UPF2: variants seen among roughly 807,000 people sequenced by gnomAD.
The protein encoded by UPF2 is UPF2 regulator of nonsense mediated mRNA decay.
In UPF2, 17 loss-of-function variants were observed where a neutral mutation model predicts 141.4. The observed-to-expected ratio is 0.12, with a 90% CI of 0.08 to 0.18. UPF2 has a LOEUF of 0.18. Among genes scored for constraint, UPF2 ranks in the 10% least tolerant of loss-of-function variants. UPF2 has a pLI of 1.00. For synonymous variants in UPF2, 540 were observed against 498.0 expected (o/e 1.08, Z -1.12); for missense variants, 1,152 against 1,515.9 (o/e 0.76, Z 3.99).
chr10:12,023,728 T>C (rs977691470), intron 3 of UPF2, among the ~76,000 whole-genome samples: 4 of 146,222 alleles, frequency 2.7e-5, no homozygotes, highest in African/African-American at 1.0e-4. Flanking sequence ...CAGAGGCTCA[T>C]GCCTGTAATC....
chr10:12,001,195 C>G (rs1268738906), intron 6 of UPF2, among the ~76,000 whole-genome samples: 1 of 152,146 alleles, frequency 6.6e-6, no homozygotes, highest in East Asian at 1.9e-4. Context: ...GGGCGGATCA[C>G]CTGAGGTCAG....
At chr10:11,997,894 G>A in intron 7 of UPF2, 137 bp from the exon 8 acceptor site, 2 of 836,806 alleles carry the variant, frequency 2.4e-6, no homozygotes, top group Non-Finnish European at 1.8e-6. Context: ...GTTAGTATCA[G>A]GAAAGTTTTC....
At chr10:12,031,470 G>A (rs4750154) in intron 2 of UPF2, among the ~76,000 whole-genome samples, 32,976 of 152,020 alleles carry the variant, frequency 0.22, 3,900 homozygotes, top group East Asian at 0.46. Context: ...ACGAGTGAGG[G>A]GCAACAATCT....
intron 12 of UPF2, among the ~76,000 whole-genome samples, chr10:11,958,629 A>G (rs920784801): frequency 2.0e-5 from 3 of 152,254 alleles, no homozygotes; most frequent in Admixed American, 2.0e-4. Context: ...TTTGTTCAAC[A>G]TATCTTACTT....
At chr10:12,009,168 T>A (rs1329107311) in intron 4 of UPF2, among the ~76,000 whole-genome samples, 1 of 152,172 alleles carries the variant, frequency 6.6e-6, no homozygotes, top group East Asian at 1.9e-4. Context: ...AATGCATATA[T>A]CCTTTTAACC....
chr10:12,025,476 G>A (rs922944382), intron 3 of UPF2, among the ~76,000 whole-genome samples: 4 of 151,906 alleles, frequency 2.6e-5, no homozygotes, highest in African/African-American at 7.3e-5. Context: ...GCTTTAACCC[G>A]GGAGGCAAAG....
chr10:12,024,055 A>C (rs542458923), intron 3 of UPF2, among the ~76,000 whole-genome samples: 1 of 152,286 alleles, frequency 6.6e-6, no homozygotes, highest in South Asian at 2.1e-4. Flanking sequence ...CTAGGTAGGA[A>C]TCTTAAATAT....
In UPF2 at chr10:11,953,294, C is replaced by T. The variant is rs929341746; in HGVS notation, c.2851-1045G>A. 1.3e-5 allele frequency among the ~76,000 whole-genome samples: 2 copies of T among 152,152 alleles called. No homozygotes were observed. Among genetic ancestry groups the T allele is most frequent in the African/African-American group, 4.8e-5 (2 of 41,420 alleles). ...TTCTTAGAAATGTAGAATCTCAGGC[C>T]TCCCCCTAGGTCAACTGAATCAGAA... On this transcript the variant is annotated intron_variant, in intron 14 of 21. Transcript: ENST00000357604. This position sits in a 1 kb window ranked among gnomAD's most constrained non-coding sequence, Gnocchi z 5.0.
intron 14 of UPF2, among the ~76,000 whole-genome samples, chr10:11,952,773 C>T (rs943543739): frequency 1.3e-5 from 2 of 151,886 alleles, no homozygotes; most frequent in African/African-American, 2.4e-5. Context: ...TGCGCCCGGC[C>T]CTAGATATCT....
intron 15 of UPF2, among the ~76,000 whole-genome samples, chr10:11,949,061 T>C (rs1833041501): frequency 6.6e-6 from 1 of 152,210 alleles, no homozygotes; most frequent in Non-Finnish European, 1.5e-5. Context: ...TTTTCTTCAA[T>C]AACAGCATTC....
At chr10:11,967,548 T>G (rs1833340822) in intron 9 of UPF2, 94 bp from the exon 10 acceptor site, 2 of 333,074 alleles carry the variant, frequency 6.0e-6, no homozygotes, top group Admixed American at 1.6e-4. Flanking sequence ...TCACTCCAGT[T>G]TTTTTTTTTT....
intron 9 of UPF2, among the ~76,000 whole-genome samples, chr10:11,971,453 C>G (rs956177661): frequency 1.3e-5 from 2 of 152,080 alleles, no homozygotes; most frequent in Non-Finnish European, 2.9e-5. Context: ...GCGGTTTCTC[C>G]ATGTTGGTCA....
intron 15 of UPF2, among the ~76,000 whole-genome samples, chr10:11,949,039 C>T (rs942939144): frequency 6.6e-6 from 1 of 152,182 alleles, no homozygotes; most frequent in Non-Finnish European, 1.5e-5. Context: ...TGTCACCATA[C>T]AGACTAATTT....
chr10:11,999,697 C>A (rs2131264169), intron 7 of UPF2, among the ~76,000 whole-genome samples: 1 of 152,248 alleles, frequency 6.6e-6, no homozygotes, highest in East Asian at 1.9e-4. Context: ...ATGAACAGGA[C>A]AGGATGCTAC....
At chr10:11,982,925 T>C (rs1349330250) in intron 8 of UPF2, among the ~76,000 whole-genome samples, 1 of 152,176 alleles carries the variant, frequency 6.6e-6, no homozygotes, top group African/African-American at 2.4e-5. Context: ...CAGGCCTACC[T>C]GCACTACTTT....
chr10:12,005,412 GT>G (rs1834018972), intron 4 of UPF2, among the ~76,000 whole-genome samples: 1 of 152,152 alleles, frequency 6.6e-6, no homozygotes, highest in African/African-American at 2.4e-5. Context: ...TACAGAGAAA[GT>G]TTAGGTAATT....
At position 11,959,150 on chromosome 10, in the gene UPF2, G is replaced by A. The variant is rs201878807; in HGVS notation, c.2370+21C>T. ...ACAAATCTCACGTTAACTATTAACT[G>A]CATGATTTCATAAGATTTACCTTCT... is the stretch of plus-strand genomic sequence containing the variant. On this transcript the variant is annotated intron_variant, in intron 12 of 21. Coordinates refer to ENST00000357604, the MANE Select transcript of UPF2 (RefSeq NM_015542.4). This position sits in a 1 kb window ranked among gnomAD's most constrained non-coding sequence, Gnocchi z 5.9. 3 of 1,558,242 alleles carry A rather than the reference G, an allele frequency of 1.9e-6. No individual in the cohort carries two copies. Among genetic ancestry groups the A allele is most frequent in the Admixed American group, 4.1e-5 (2 of 48,528 alleles).
At chr10:11,981,736 A>T (rs959916479) in intron 8 of UPF2, among the ~76,000 whole-genome samples, 1 of 152,084 alleles carries the variant, frequency 6.6e-6, no homozygotes, top group East Asian at 1.9e-4. Flanking sequence ...GCTGGAGTGG[A>T]GTGCAGTGGT....
In UPF2 at chr10:12,038,830, ACT is replaced by A. The variant is rs1834682985; in HGVS notation, c.-18-3391_-18-3390del. Among the ~76,000 whole-genome samples the A allele has an allele frequency of 1.2e-4, 18 of 152,222 alleles. No individual in the cohort carries two copies. The South Asian group carries it at 3.7e-3, about 32-fold the overall frequency. Reference sequence around the variant, plus strand: ...ATCTATTTTTTTAATTTAAAAAAAAACTGTTTTAATAAAATAGAGACAAGGTC... The same window carrying A: ...ATCTATTTTTTTAATTTAAAAAAAAAGTTTTAATAAAATAGAGACAAGGTC... On this transcript the variant is annotated intron_variant, in intron 1 of 21. Coordinates refer to ENST00000357604, the MANE Select transcript of UPF2 (RefSeq NM_015542.4).
Sources: allele counts gnomAD v4.1 joint callset (sites outside exome capture counted in the v4.1 genomes callset), GRCh38; gene constraint gnomAD v4.1.1; non-coding constraint Gnocchi (gnomAD v3.1); transcripts MANE v1.5; gene names NCBI Gene and HGNC (gene_info 2026-07-23, HGNC 2026-07-21).